KIAA0232: variants seen among roughly 807,000 people sequenced by gnomAD.
KIAA0232 encodes the protein uncharacterized protein KIAA0232.
KIAA0232 carries 27 observed loss-of-function variants against 122.0 expected under a neutral mutation model. The ratio of observed to expected loss-of-function variants is 0.22; its 90% confidence interval spans 0.16 to 0.31. KIAA0232 has a LOEUF of 0.31. Ranked by LOEUF, KIAA0232 falls within the 10% of genes least tolerant of loss-of-function variation. The pLI, the probability that KIAA0232 is intolerant of heterozygous loss-of-function variation, is 1.00. For missense variants in KIAA0232, 1,551 were observed against 1,634.2 expected, an observed-to-expected ratio of 0.95 and a Z score of 0.88; for synonymous variants, 613 against 587.6, an observed-to-expected ratio of 1.04 and a Z score of -0.63.
At chr4:6,792,459 A>G (rs1368579444) in intron 1 of KIAA0232, among the ~76,000 whole-genome samples, 1 of 152,126 alleles carries the variant, frequency 6.6e-6, no homozygotes, top group Non-Finnish European at 1.5e-5. Context: ...CTTGGTGGCT[A>G]TATTAGTTTT....
At chr4:6,807,993 G>A (rs1423466391) in intron 2 of KIAA0232, among the ~76,000 whole-genome samples, 3 of 152,144 alleles carry the variant, frequency 2.0e-5, no homozygotes, top group Non-Finnish European at 2.9e-5. Context: ...CCTTGAACCT[G>A]GGAGGCAGAG....
chr4:6,870,866 G>T (rs1721441600), intron 7 of KIAA0232, among the ~76,000 whole-genome samples: 1 of 151,772 alleles, frequency 6.6e-6, no homozygotes, highest in Non-Finnish European at 1.5e-5. Flanking sequence ...CTGCCTGAAT[G>T]TATGAGGGAG....
At chr4:6,797,857 G>A (rs1323649887) in intron 1 of KIAA0232, among the ~76,000 whole-genome samples, 3 of 151,506 alleles carry the variant, frequency 2.0e-5, no homozygotes, top group Non-Finnish European at 2.9e-5. Flanking sequence ...GGATCACAAG[G>A]TCAAGAGATC....
intron 2 of KIAA0232, among the ~76,000 whole-genome samples, chr4:6,811,253 C>T (rs896536180): frequency 6.6e-6 from 1 of 152,116 alleles, no homozygotes; most frequent in Admixed American, 6.6e-5. Context: ...GTGGTCTATA[C>T]ACACAATAGA....
chr4:6,843,068 A>C (rs939809529), intron 4 of KIAA0232, among the ~76,000 whole-genome samples: 1 of 152,184 alleles, frequency 6.6e-6, no homozygotes. Flanking sequence ...ATATTATTTT[A>C]TTCTTTTAGC....
In KIAA0232 at chr4:6,862,704, A is replaced by C. The variant is rs1405892447; in HGVS notation, c.2322A>C (p.Leu774Phe). 1 of 1,611,428 alleles carries C rather than the reference A, an allele frequency of 6.2e-7. No individual in the cohort carries two copies. Among genetic ancestry groups the C allele is most frequent in the East Asian group, 2.2e-5 (1 of 44,876 alleles). Residue 774 changes from leucine to phenylalanine, a missense_variant, in exon 7 of 10, where the codon TTA becomes TTC. Leu to Phe is a conservative substitution (Grantham distance 22). Coordinates refer to ENST00000307659, the MANE Select transcript of KIAA0232 (RefSeq NM_014743.3). ...DETCQQNSRT[L>F]GEIPTLVFKK... is the part of the protein sequence containing the mutation. ...CTTGCCAGCAAAACAGTAGAACTTT[A>C]GGTGAGATTCCTACATTAGTTTTCA...
chr4:6,811,024 T>G (rs1051292602), intron 2 of KIAA0232, among the ~76,000 whole-genome samples: 8 of 152,206 alleles, frequency 5.3e-5, no homozygotes, highest in Non-Finnish European at 1.0e-4. Flanking sequence ...GTATAGCTTC[T>G]ATGGAAAAGA....
chr4:6,834,849 T>G (rs1400387130), intron 3 of KIAA0232, among the ~76,000 whole-genome samples: 1 of 152,212 alleles, frequency 6.6e-6, no homozygotes, highest in Non-Finnish European at 1.5e-5. Context: ...GTAGGGGTGG[T>G]TCTCTTGAGT....
At chr4:6,879,318 C>T (rs1275764802) in intron 9 of KIAA0232, among the ~76,000 whole-genome samples, 4 of 152,094 alleles carry the variant, frequency 2.6e-5, no homozygotes, top group Admixed American at 2.0e-4. Context: ...CATCAGGCGC[C>T]GTGTATCCGA....
intron 1 of KIAA0232, among the ~76,000 whole-genome samples, chr4:6,796,080 G>T (rs948399082): frequency 6.6e-6 from 1 of 152,172 alleles, no homozygotes; most frequent in Non-Finnish European, 1.5e-5. Flanking sequence ...TGGTTTGTGC[G>T]TAAGTGAGCT....
chr4:6,860,433 G>A (rs775446198), intron 6 of KIAA0232, among the ~76,000 whole-genome samples: 2 of 152,166 alleles, frequency 1.3e-5, no homozygotes, highest in Non-Finnish European at 2.9e-5. Flanking sequence ...TATTTTCAAC[G>A]CTCACAATAA....
chr4:6,833,197 C>G (rs1719086654), intron 3 of KIAA0232, among the ~76,000 whole-genome samples: 1 of 152,206 alleles, frequency 6.6e-6, no homozygotes, highest in African/African-American at 2.4e-5. Flanking sequence ...TCGTGTGTGT[C>G]ACTGCATACA....
Position 6,880,929 on chromosome 4 carries a change from C to T in KIAA0232, c.4151C>T (p.Pro1384Leu). The T allele has an allele frequency of 1.9e-6, 3 of 1,587,740 alleles. No homozygotes were observed. The highest frequency in any genetic ancestry group is 2.6e-6 in the Non-Finnish European group (3 of 1,165,980). Residue 1384 changes from proline to leucine, a missense_variant, in exon 10 of 10, where the codon CCT becomes CTT. This residue lies in a region of KIAA0232 where 1,108 missense variants were observed against 1,154.8 expected (regional missense o/e 0.96). Coordinates refer to ENST00000307659, the MANE Select transcript of KIAA0232 (RefSeq NM_014743.3). ...GSEGGGEWVG[P>L]SEEELFSRTH... is the part of the protein sequence containing the mutation. ...GAAGGCGGAGGCGAGTGGGTGGGCC[C>T]TAGTGAAGAGGAGCTCTTTTCTCGA...
intron 3 of KIAA0232, among the ~76,000 whole-genome samples, chr4:6,831,059 A>C (rs1718949501): frequency 6.6e-6 from 1 of 151,006 alleles, no homozygotes; most frequent in Non-Finnish European, 1.5e-5. Context: ...AAATTTATTT[A>C]TTTATTATTT....
At chr4:6,835,529 A>T (rs552265023) in intron 3 of KIAA0232, among the ~76,000 whole-genome samples, 23 of 152,358 alleles carry the variant, frequency 1.5e-4, no homozygotes, top group East Asian at 7.7e-4. Flanking sequence ...CAGGTTCGTT[A>T]CATAGGTATA....
intron 1 of KIAA0232, among the ~76,000 whole-genome samples, chr4:6,801,563 C>T (rs908245111): frequency 5.3e-5 from 8 of 151,186 alleles, no homozygotes; most frequent in Admixed American, 1.3e-4. Flanking sequence ...ACACACTTGT[C>T]GTCTTAGCTA....
chr4:6,836,740 G>T (rs1468510521), intron 3 of KIAA0232, among the ~76,000 whole-genome samples: 2 of 151,512 alleles, frequency 1.3e-5, no homozygotes, highest in East Asian at 1.9e-4. Flanking sequence ...ATTAGGGAGC[G>T]GTGATGACTC....
chr4:6,799,051 G>A (rs1717259730), intron 1 of KIAA0232, among the ~76,000 whole-genome samples: 1 of 152,084 alleles, frequency 6.6e-6, no homozygotes, highest in African/African-American at 2.4e-5. Context: ...TCCAAGTGTT[G>A]GCAGGGCTGG....
chr4:6,833,948 T>C (rs1719130632), intron 3 of KIAA0232, among the ~76,000 whole-genome samples: 1 of 152,204 alleles, frequency 6.6e-6, no homozygotes. Flanking sequence ...TTCCCCCGCT[T>C]ACTGTAAGTC....
Sources: gnomAD v4.1 joint callset for allele counts (sites outside exome capture counted in the v4.1 genomes callset) on GRCh38, gnomAD v4.1.1 for gene constraint, gnomAD v4.1.1 regional missense constraint, MANE v1.5 for transcripts, NCBI Gene and HGNC (gene_info 2026-07-23, HGNC 2026-07-21) for gene names.